Variants in FYB1 observed in about 807,000 individuals in gnomAD.
FYB1 encodes the protein FYN binding protein 1.
A neutral mutation model predicts 94.1 loss-of-function variants in FYB1; 41 were observed. The ratio of observed to expected loss-of-function variants is 0.44; its 90% CI spans 0.34 to 0.57. The LOEUF is 0.57. Among genes scored for constraint, FYB1 ranks in the 20% least tolerant of loss-of-function variants. The probability of loss-of-function intolerance (pLI) is 0.02; values close to 1 mark genes in which losing one functional copy is unlikely to be tolerated. For missense variants in FYB1, 1,050 were observed against 976.8 expected, an observed-to-expected ratio of 1.07 and a Z score of -1.00; for synonymous variants, 367 against 353.2, an observed-to-expected ratio of 1.04 and a Z score of -0.44.
rs1003364335 is a variant in FYB1, at chr5:39,248,989, TAAAC to T, written c.-28+25410_-28+25413del. Among the ~76,000 whole-genome samples, 5 of 152,212 alleles carry T rather than the reference TAAAC, an allele frequency of 3.3e-5. No homozygotes were observed. In the East Asian group the frequency reaches 9.6e-4, roughly 29 times the overall value. ...TTTTGTTAATTAAAATTAAATAAAATAAACAATTTAATTCCTCAGTTGCACTAGC... is the reference window on the plus strand; with the variant it reads ...TTTTGTTAATTAAAATTAAATAAAATAATTTAATTCCTCAGTTGCACTAGC... On this transcript the variant is annotated intron_variant, in intron 1 of 1. Coordinates refer to the FYB1 transcript ENST00000510188.
chr5:39,157,024 A>G (rs1257372396), intron 2 of FYB1, among the ~76,000 whole-genome samples: 3 of 152,204 alleles, frequency 2.0e-5, no homozygotes, highest in African/African-American at 7.2e-5. Context: ...TTGGCATTCT[A>G]CATATGTAAT....
chr5:39,128,831 AT>A (rs1740916053), intron 10 of FYB1, among the ~76,000 whole-genome samples: 1 of 152,128 alleles, frequency 6.6e-6, no homozygotes, highest in Non-Finnish European at 1.5e-5. Context: ...TGAAGAAATT[AT>A]TGATAAAAGT....
intron 6 of FYB1, 53 bp downstream of exon 6, chr5:39,138,604 A>G: frequency 8.8e-7 from 1 of 1,141,310 alleles, no homozygotes; most frequent in Non-Finnish European, 1.3e-6. Context: ...CTCATACAAA[A>G]CATTATATTC....
Position 39,202,817 on chromosome 5 carries a change from A to G in FYB1, c.144T>C (p.Pro48=). Residue 48 remains proline, a synonymous_variant, in exon 2 of 19, where the codon CCT becomes CCC. Coordinates refer to ENST00000512982, the MANE Select transcript of FYB1 (RefSeq NM_001465.6). ...LFNNQGNASP[P]AGPSNVPKFG... is the part of the protein sequence containing the mutation. ...ACTTAGGTACATTGCTGGGTCCTGC[A>G]GGAGGGCTGGCATTTCCTTGGTTGT... The G allele has an allele frequency of 6.2e-7, 1 of 1,614,012 alleles. No individual in the cohort carries two copies. Among genetic ancestry groups the G allele is most frequent in the Non-Finnish European group, 8.5e-7 (1 of 1,179,890 alleles).
rs375930240 is a variant in FYB1 at position 39,169,488 on chromosome 5, G to T, written c.1136-15884C>A. On this transcript the variant is annotated intron_variant, in intron 2 of 18. Transcript: ENST00000512982. ...ATTGACAATTTCAGACATATTAATCGAAGACCCGTTACTACTACTTCCAGA... is the reference window on the plus strand; with the variant it reads ...ATTGACAATTTCAGACATATTAATCTAAGACCCGTTACTACTACTTCCAGA... 3.4e-5 allele frequency: 22 copies of T among 652,708 alleles called. No individual in the cohort carries two copies. In the African/African-American group the frequency reaches 3.6e-4, roughly 11 times the overall value. 40.4% of individuals were successfully genotyped at this position (652,708 alleles called of 1,614,324 possible). A position where few individuals can be genotyped will look rare whatever the true frequency, so the allele number is the denominator to read the frequency against.
At chr5:39,110,313 A>G in intron 17 of FYB1, 43 bp downstream of exon 17, 1 of 1,343,276 alleles carries the variant, frequency 7.4e-7, no homozygotes, top group Non-Finnish European at 1.0e-6. Context: ...GAAAGGCACA[A>G]AATTCTTTTC....
At chr5:39,177,544 G>A (rs1370561519) in intron 2 of FYB1, among the ~76,000 whole-genome samples, 1 of 152,120 alleles carries the variant, frequency 6.6e-6, no homozygotes, top group Non-Finnish European at 1.5e-5. Flanking sequence ...ATAACTGCAG[G>A]CTGATTAAGT....
At chr5:39,175,399 A>G (rs1293089046) in intron 2 of FYB1, among the ~76,000 whole-genome samples, 2 of 152,218 alleles carry the variant, frequency 1.3e-5, no homozygotes, top group Non-Finnish European at 2.9e-5. Context: ...ACACCATTCT[A>G]TCAAGAAAGT....
intron 3 of FYB1, among the ~76,000 whole-genome samples, chr5:39,148,295 G>T (rs1318266046): frequency 7.2e-6 from 1 of 138,278 alleles, no homozygotes; most frequent in African/African-American, 2.7e-5. Flanking sequence ...CTCCCAAAGT[G>T]CTGGGATTAT....
intron 1 of FYB1, among the ~76,000 whole-genome samples, chr5:39,216,562 C>T (rs1481352805): frequency 6.6e-6 from 1 of 152,146 alleles, no homozygotes; most frequent in Non-Finnish European, 1.5e-5. Context: ...CTCTCTCTCC[C>T]CCTGCCCTGC....
At chr5:39,268,248 T>C (rs578257677) in intron 1 of FYB1, among the ~76,000 whole-genome samples, 1 of 151,488 alleles carries the variant, frequency 6.6e-6, no homozygotes, top group Middle Eastern at 3.4e-3. Flanking sequence ...TTCTTTTTTT[T>C]TTTTTTGAAT....
At chr5:39,168,019 T>C (rs1354042156) in intron 2 of FYB1, among the ~76,000 whole-genome samples, 1 of 152,232 alleles carries the variant, frequency 6.6e-6, no homozygotes, top group East Asian at 1.9e-4. Flanking sequence ...TAAATGTTAA[T>C]TCTCTTCCCT....
At chr5:39,249,767 A>G (rs972434428) in intron 1 of FYB1, among the ~76,000 whole-genome samples, 8 of 152,208 alleles carry the variant, frequency 5.3e-5, no homozygotes, top group African/African-American at 1.9e-4. Flanking sequence ...TCAGCAAGTT[A>G]CAGAATACAA....
intron 1 of FYB1, among the ~76,000 whole-genome samples, chr5:39,210,457 C>CT (rs1444394024): frequency 6.6e-6 from 1 of 152,198 alleles, no homozygotes; most frequent in Admixed American, 6.5e-5. Context: ...GCAAGATAGC[C>CT]TAGCAAGTAG....
At chr5:39,125,901 T>A in intron 12 of FYB1, 97 bp downstream of exon 12, 1 of 1,203,664 alleles carries the variant, frequency 8.3e-7, no homozygotes, top group South Asian at 1.6e-5. Flanking sequence ...TTTAAGTCTA[T>A]CAGAATTTGG....
At chr5:39,167,388 A>G (rs1744836748) in intron 2 of FYB1, among the ~76,000 whole-genome samples, 1 of 152,196 alleles carries the variant, frequency 6.6e-6, no homozygotes, top group Admixed American at 6.5e-5. Flanking sequence ...AGAGTTTCAG[A>G]TGACCTCTCA....
chr5:39,116,479 A>C (rs1001170547), intron 16 of FYB1, among the ~76,000 whole-genome samples: 1 of 152,248 alleles, frequency 6.6e-6, no homozygotes, highest in Non-Finnish European at 1.5e-5. Context: ...TCTCATTCTT[A>C]GAAGATGACA....
chr5:39,132,589 G>A (rs1019031057), intron 9 of FYB1, among the ~76,000 whole-genome samples: 9 of 152,268 alleles, frequency 5.9e-5, no homozygotes, highest in Admixed American at 3.3e-4. Flanking sequence ...TAGAGTCGTG[G>A]TATGTATGGA....
intron 1 of FYB1, 86 bp from the exon 2 acceptor site, chr5:39,203,073 G>A (rs1748524124): frequency 2.6e-6 from 3 of 1,156,626 alleles, no homozygotes; most frequent in East Asian, 4.8e-5. Context: ...GAGCTTCCTG[G>A]TTTGAGGCCT....
Sources: gnomAD v4.1 joint callset for allele counts (sites outside exome capture counted in the v4.1 genomes callset) on GRCh38, gnomAD v4.1.1 for gene constraint, MANE v1.5 for transcripts, NCBI Gene and HGNC (gene_info 2026-07-23, HGNC 2026-07-21) for gene names.